Variants in GOSR2 observed in about 807,000 individuals in gnomAD.
The protein encoded by GOSR2 is golgi SNAP receptor complex member 2, also known as 27 kDa Golgi SNARE protein.
GOSR2 carries 20 observed loss-of-function variants against 27.9 expected under a neutral mutation model. The observed-to-expected ratio is 0.72, with a 90% confidence interval of 0.50 to 1.04. The LOEUF is 1.04. Ranked by LOEUF, GOSR2 falls within the 50% of genes least tolerant of loss-of-function variation. The probability of loss-of-function intolerance (pLI) is 0.00; values close to 1 mark genes in which losing one functional copy is unlikely to be tolerated. For missense variants in GOSR2, 261 were observed against 270.5 expected, an observed-to-expected ratio of 0.97 and a Z score of 0.25; for synonymous variants, 91 against 98.8, an observed-to-expected ratio of 0.92 and a Z score of 0.47.
rs888420782 is a variant in GOSR2, at chr17:46,940,325, T to A, written c.*1565T>A. 1 of 1,453,578 alleles carries A rather than the reference T, an allele frequency of 6.9e-7. No individual in the cohort carries two copies. The highest frequency in any genetic ancestry group is 2.5e-5 in the Admixed American group (1 of 40,748). 90.0% of individuals were successfully genotyped at this position (1,453,578 alleles called of 1,614,324 possible). ...CCCCAGGTTTCCAAGGAAGGAGCAA[T>A]CTGTGACTCCTAAAATGGGTTGGGG... On this transcript the variant is annotated 3_prime_UTR_variant, in exon 6 of 6. Coordinates refer to ENST00000640051, the MANE Select transcript of GOSR2 (RefSeq NM_004287.5).
At chr17:46,943,644 G>A (rs1484958626), downstream of GOSR2, among the ~76,000 whole-genome samples, 1 of 152,094 alleles carries the variant, frequency 6.6e-6, no homozygotes, top group Non-Finnish European at 1.5e-5. Flanking sequence ...GTAAGCGGCT[G>A]CAGGAGAGCA....
In GOSR2 at chr17:46,939,099, C is replaced by G. The variant is rs991787122; in HGVS notation, c.*339C>G. On this transcript the variant is annotated 3_prime_UTR_variant, in exon 6 of 6. Coordinates refer to ENST00000640051, the MANE Select transcript of GOSR2 (RefSeq NM_004287.5). ...CCCTGGGAAGGTGTCCACAGTGAGCCCTGTGTGCAGGACTGTCCACACGGT... is the reference window on the plus strand; with the variant it reads ...CCCTGGGAAGGTGTCCACAGTGAGCGCTGTGTGCAGGACTGTCCACACGGT... 10 of 1,210,200 alleles carry G rather than the reference C, an allele frequency of 8.3e-6. No homozygotes were observed. In the East Asian group the frequency reaches 3.2e-4, roughly 39 times the overall value. 75.0% of individuals were successfully genotyped at this position (1,210,200 alleles called of 1,614,324 possible).
intron 6 of GOSR2, chr17:46,948,622 T>C (rs2090101280): frequency 6.6e-6 from 1 of 152,226 alleles, no homozygotes; most frequent in African/African-American, 2.4e-5. Context: ...TTCACAGAAC[T>C]GTGGTGAAGA....
At position 46,935,025 on chromosome 17, in the gene GOSR2, A is replaced by G. The variant is rs1397840391; in HGVS notation, c.337-4A>G. The G allele has an allele frequency of 4.3e-6, 7 of 1,612,502 alleles. No homozygotes were observed. In the East Asian group the frequency reaches 6.7e-5, roughly 15 times the overall value. On this transcript the variant is annotated splice_polypyrimidine_tract_variant and splice_region_variant and intron_variant, in intron 4 of 5. Transcript: ENST00000640051. ...TTAATCAAGTGCCTGTGTTTCTTTC[A>G]CAGGACTCTGACACCACCATACCAA...
intron 6 of GOSR2, chr17:46,964,931 C>G (rs1205604154): frequency 6.6e-6 from 1 of 152,230 alleles, no homozygotes; most frequent in Admixed American, 6.5e-5. Flanking sequence ...TTGACAGGAG[C>G]TTCCTACTTT....
intron 5 of GOSR2, 29 bp from the exon 6 acceptor site, chr17:46,938,570 G>GTT: frequency 2.5e-6 from 4 of 1,578,504 alleles, no homozygotes; most frequent in Non-Finnish European, 1.7e-6. Context: ...CTTGATGTTT[G>GTT]TTTTTTTTTC....
At chr17:46,958,849 G>A (rs556559685) in intron 6 of GOSR2, among the ~76,000 whole-genome samples, 1 of 152,214 alleles carries the variant, frequency 6.6e-6, no homozygotes, top group South Asian at 2.1e-4. Context: ...AGCCTGCTCT[G>A]CTCCCCTCCC....
At chr17:46,947,083 G>A (rs1206560601) in intron 6 of GOSR2, among the ~76,000 whole-genome samples, 1 of 152,146 alleles carries the variant, frequency 6.6e-6, no homozygotes, top group Non-Finnish European at 1.5e-5. Context: ...GAAAGAGTAG[G>A]GACGTATTAG....
chr17:46,949,186 G>A (rs1388419654), intron 6 of GOSR2: 1 of 152,254 alleles, frequency 6.6e-6, no homozygotes, highest in African/African-American at 2.4e-5. Context: ...TTTGAAGGCT[G>A]GGAGGAGAAT....
intron 5 of GOSR2, chr17:46,935,577 C>A: frequency 8.9e-7 from 1 of 1,127,740 alleles, no homozygotes; most frequent in Non-Finnish European, 1.1e-6. Context: ...CTGTGGACTG[C>A]CTTATAACTA....
intron 5 of GOSR2, 59 bp from the exon 6 acceptor site, chr17:46,938,540 A>T: frequency 6.2e-7 from 1 of 1,610,506 alleles, no homozygotes; most frequent in South Asian, 1.1e-5. Context: ...GATGCCATTC[A>T]CCCACTCTTG....
Position 46,941,279 on chromosome 17 carries a change from G to A in GOSR2, c.*2519G>A, listed in dbSNP as rs554685692. ...ACCCTTTGCCCTGATGAATTTGAAT[G>A]GGTTTGATTTGCAAATTTGGATTTA... On this transcript the variant is annotated 3_prime_UTR_variant, in exon 6 of 6. Transcript: ENST00000640051. The A allele has an allele frequency of 1.0e-6, 1 of 985,744 alleles. No homozygotes were observed. Among genetic ancestry groups the A allele is most frequent in the African/African-American group, 1.7e-5 (1 of 57,218 alleles). The allele number at this position is 985,744 out of a possible 1,614,324, so 61.1% of individuals were successfully genotyped here. A position where few individuals can be genotyped will look rare whatever the true frequency, so the allele number is the denominator to read the frequency against.
intron 6 of GOSR2, among the ~76,000 whole-genome samples, chr17:46,960,997 A>G (rs2091017335): frequency 1.3e-5 from 2 of 152,216 alleles, no homozygotes; most frequent in Admixed American, 1.3e-4. Context: ...AATAAAAATA[A>G]AAGGCATTTA....
chr17:46,925,758 G>T (rs1157810406), intron 1 of GOSR2, among the ~76,000 whole-genome samples: 1 of 152,138 alleles, frequency 6.6e-6, no homozygotes, highest in East Asian at 1.9e-4. Flanking sequence ...ATTATCTCTT[G>T]CCGTGTCACT....
At chr17:46,951,321 G>A (rs923159222) in intron 6 of GOSR2, among the ~76,000 whole-genome samples, 5 of 152,146 alleles carry the variant, frequency 3.3e-5, no homozygotes, top group African/African-American at 1.2e-4. Context: ...TTGGACCAGA[G>A]CTCATCCACC....
intron 6 of GOSR2, among the ~76,000 whole-genome samples, chr17:46,951,435 C>T (rs544678407): frequency 6.6e-6 from 1 of 152,320 alleles, no homozygotes; most frequent in African/African-American, 2.4e-5. Context: ...CCAGCTGCCG[C>T]GCCAGCCCAC....
chr17:46,935,973 T>C, intron 5 of GOSR2: 3 of 985,810 alleles, frequency 3.0e-6, no homozygotes, highest in Non-Finnish European at 3.6e-6. Flanking sequence ...AGTGTGAGCT[T>C]TATCTTAGTT....
chr17:46,933,083 A>G (rs2087650533), intron 4 of GOSR2: 1 of 152,266 alleles, frequency 6.6e-6, no homozygotes, highest in Admixed American at 6.5e-5. Context: ...AGTGTTTAAC[A>G]GTTCAAAAAT....
chr17:46,947,636 C>A (rs1038501480), intron 6 of GOSR2, among the ~76,000 whole-genome samples: 2 of 152,186 alleles, frequency 1.3e-5, no homozygotes, highest in African/African-American at 4.8e-5. Flanking sequence ...CCTGACTTTG[C>A]TGTTTATTAG....
Sources: gnomAD v4.1 joint callset for allele counts (sites outside exome capture counted in the v4.1 genomes callset) on GRCh38, gnomAD v4.1.1 for gene constraint, MANE v1.5 for transcripts, NCBI Gene and HGNC (gene_info 2026-07-23, HGNC 2026-07-21) for gene names.